NR6A1: variants seen among roughly 807,000 people sequenced by gnomAD.
NR6A1 encodes the protein retinoic acid receptor-related testis-associated receptor.
NR6A1 carries 7 observed loss-of-function variants against 59.1 expected under a neutral mutation model. The ratio of observed to expected loss-of-function variants is 0.12; its 90% confidence interval spans 0.07 to 0.22. The LOEUF is 0.22. NR6A1 is among the 10% of genes least tolerant of loss of function. The probability of loss-of-function intolerance (pLI) is 1.00; values close to 1 mark genes in which losing one functional copy is unlikely to be tolerated. For missense variants in NR6A1, 468 were observed against 611.6 expected, an observed-to-expected ratio of 0.77 and a Z score of 2.48; for synonymous variants, 243 against 236.1, an observed-to-expected ratio of 1.03 and a Z score of -0.27.
chr9:124,569,885 T>C (rs998193182), intron 2 of NR6A1, among the ~76,000 whole-genome samples: 3 of 152,324 alleles, frequency 2.0e-5, no homozygotes, highest in South Asian at 2.1e-4. Context: ...TTTCTAAAAA[T>C]TGACATCAGC....
At chr9:124,563,768 C>T (rs1347384797) in intron 2 of NR6A1, among the ~76,000 whole-genome samples, 1 of 152,128 alleles carries the variant, frequency 6.6e-6, no homozygotes, top group Non-Finnish European at 1.5e-5. Flanking sequence ...CATCTTTTCC[C>T]CAAGCTAGCG....
rs544924925 is a variant in NR6A1, at chr9:124,728,815, T to C, written c.142+4493A>G. Among the ~76,000 whole-genome samples, 6 of 152,284 alleles carry C rather than the reference T, an allele frequency of 3.9e-5. No individual in the cohort carries two copies. In the East Asian group the frequency reaches 7.7e-4, roughly 20 times the overall value. ...AGAGTTTGCAATTTTGTATGTTTCA[T>C]TGCCAAAGAAGGCTTAGTGGTTGTT... On this transcript the variant is annotated intron_variant, in intron 2 of 9. Transcript: ENST00000487099.
In NR6A1 at chr9:124,752,399, A is replaced by G. The variant is rs115046837; in HGVS notation, c.100+18621T>C. Among the ~76,000 whole-genome samples, 739 of 152,342 alleles carry G rather than the reference A, an allele frequency of 4.9e-3. 2 individuals carry two copies. Among genetic ancestry groups the G allele is most frequent in the Middle Eastern group, 0.027 (8 of 294 alleles). ...AAAGGATAAAATTTTTAAAAATCAAATTATAATCTAGGCTTCAATTATGGT... is the reference window on the plus strand; with the variant it reads ...AAAGGATAAAATTTTTAAAAATCAAGTTATAATCTAGGCTTCAATTATGGT... On this transcript the variant is annotated intron_variant, in intron 1 of 9. Transcript: ENST00000487099.
chr9:124,614,669 G>A (rs1004936138), intron 2 of NR6A1, among the ~76,000 whole-genome samples: 1 of 152,058 alleles, frequency 6.6e-6, no homozygotes, highest in Admixed American at 6.6e-5. Flanking sequence ...ACAAAAGTCC[G>A]CCACTATATG....
At chr9:124,541,789 G>A (rs975248237) in intron 4 of NR6A1, among the ~76,000 whole-genome samples, 2 of 152,172 alleles carry the variant, frequency 1.3e-5, no homozygotes, top group African/African-American at 4.8e-5. Flanking sequence ...TTAAGTGTCT[G>A]ATGACAGAGA....
intron 2 of NR6A1, among the ~76,000 whole-genome samples, chr9:124,630,205 A>C (rs993891704): frequency 6.2e-5 from 9 of 146,220 alleles, no homozygotes; most frequent in African/African-American, 2.0e-4. Context: ...AGTTCCTCCA[A>C]ATCAGTTTTT....
At chr9:124,667,039 CT>C (rs544057837) in intron 2 of NR6A1, among the ~76,000 whole-genome samples, 264 of 144,052 alleles carry the variant, frequency 1.8e-3, no homozygotes, top group Middle Eastern at 3.7e-3. Flanking sequence ...ATCCACCCTA[CT>C]TTTTTTTTTT....
intron 1 of NR6A1, among the ~76,000 whole-genome samples, chr9:124,764,166 A>G (rs7027122): frequency 0.64 from 96,717 of 150,562 alleles, 33,144 homozygotes; most frequent in African/African-American, 0.89. Context: ...CCTGGGCAAC[A>G]GAGTGAGACT....
At chr9:124,542,160 T>C (rs1833466003) in intron 4 of NR6A1, among the ~76,000 whole-genome samples, 3 of 152,224 alleles carry the variant, frequency 2.0e-5, no homozygotes, top group African/African-American at 4.8e-5. Context: ...AAAAGGTAGA[T>C]TTCATGTTAT....
chr9:124,528,593 C>G (rs769253730), intron 7 of NR6A1, among the ~76,000 whole-genome samples: 1 of 151,644 alleles, frequency 6.6e-6, no homozygotes, highest in Non-Finnish European at 1.5e-5. Context: ...CCCAGCTACT[C>G]GGGAGGCTGA....
At chr9:124,735,174 T>C (rs1415268491) in intron 1 of NR6A1, among the ~76,000 whole-genome samples, 2 of 152,178 alleles carry the variant, frequency 1.3e-5, no homozygotes, top group Non-Finnish European at 2.9e-5. Context: ...TTCTGGGCTG[T>C]TCTGACCACA....
intron 1 of NR6A1, among the ~76,000 whole-genome samples, chr9:124,750,387 A>C (rs1057169638): frequency 9.2e-5 from 14 of 152,172 alleles, no homozygotes; most frequent in African/African-American, 3.1e-4. Context: ...TAAACCTCAC[A>C]ACAGCATCTT....
At chr9:124,685,019 A>G (rs954525670) in intron 2 of NR6A1, among the ~76,000 whole-genome samples, 2 of 152,160 alleles carry the variant, frequency 1.3e-5, no homozygotes, top group Non-Finnish European at 2.9e-5. Context: ...TTTCATGATG[A>G]AGAGACAGAG....
intron 2 of NR6A1, among the ~76,000 whole-genome samples, chr9:124,583,996 C>T (rs1268844645): frequency 6.6e-6 from 1 of 152,086 alleles, no homozygotes; most frequent in African/African-American, 2.4e-5. Flanking sequence ...TTTTCTGTAT[C>T]CCTAATGCAT....
intron 2 of NR6A1, among the ~76,000 whole-genome samples, chr9:124,665,028 A>AG (rs1315673810): frequency 1.0e-4 from 15 of 150,048 alleles, no homozygotes; most frequent in Non-Finnish European, 2.1e-4. Context: ...AAAAAAAAAA[A>AG]AAAAAAAAGG....
chr9:124,556,919 AGT>A (rs1833946408), intron 2 of NR6A1, among the ~76,000 whole-genome samples: 1 of 151,922 alleles, frequency 6.6e-6, no homozygotes, highest in Admixed American at 6.6e-5. Flanking sequence ...ACTTGTCTCA[AGT>A]CAGCTGGCAA....
intron 2 of NR6A1, among the ~76,000 whole-genome samples, chr9:124,724,794 G>A (rs1462823423): frequency 3.3e-5 from 5 of 152,110 alleles, no homozygotes; most frequent in Non-Finnish European, 5.9e-5. Flanking sequence ...GCCAGTAACC[G>A]AACACTATCA....
intron 2 of NR6A1, among the ~76,000 whole-genome samples, chr9:124,634,695 G>A (rs535514510): frequency 1.3e-5 from 2 of 152,186 alleles, no homozygotes; most frequent in South Asian, 2.1e-4. Flanking sequence ...GGTGGCGGGC[G>A]CCTGTAGTCC....
chr9:124,566,885 G>A (rs1195066534), intron 2 of NR6A1, among the ~76,000 whole-genome samples: 1 of 152,168 alleles, frequency 6.6e-6, no homozygotes, highest in Non-Finnish European at 1.5e-5. Context: ...AAGGCGGGCG[G>A]ATCACGAGGT....
Sources: allele counts gnomAD v4.1 joint callset (sites outside exome capture counted in the v4.1 genomes callset), GRCh38; gene constraint gnomAD v4.1.1; transcripts MANE v1.5; gene names NCBI Gene and HGNC (gene_info 2026-07-23, HGNC 2026-07-21).